The following NOL4 variants were observed in gnomAD, a reference collection of about 807,000 sequenced individuals.
NOL4 encodes nucleolar protein 4.
NOL4 carries 17 observed loss-of-function variants against 75.9 expected under a neutral mutation model. The ratio of observed to expected loss-of-function variants is 0.22; its 90% CI spans 0.15 to 0.34. The LOEUF is 0.34. Ranked by LOEUF, NOL4 falls within the 10% of genes least tolerant of loss-of-function variation. The pLI is 1.00. For synonymous variants in NOL4, 292 were observed against 289.9 expected (o/e 1.01, Z -0.07); for missense variants, 614 against 793.5 (o/e 0.77, Z 2.72).
In NOL4 at chr18:33,920,269, C is replaced by CA. The variant is rs532467150; in HGVS notation, c.1542+22795dup. 2.2e-3 allele frequency among the ~76,000 whole-genome samples: 329 copies of CA among 151,470 alleles called. 1 individual carries two copies. The highest frequency in any genetic ancestry group is 6.9e-3 in the African/African-American group (287 of 41,336). ...TTAAAATTTGTGCAACTTAAAAATA[C>CA]AAAAAAAATGAATATATTGGTTGTA... On this transcript the variant is annotated intron_variant, in intron 9 of 10. Transcript: ENST00000261592.
chr18:34,053,452 CAT>C (rs1220781497), intron 5 of NOL4, among the ~76,000 whole-genome samples: 2 of 151,856 alleles, frequency 1.3e-5, no homozygotes, highest in Non-Finnish European at 2.9e-5. Context: ...TGGAAGGAAA[CAT>C]ATGGAGAAAA....
intron 6 of NOL4, among the ~76,000 whole-genome samples, chr18:33,967,122 AAC>A (rs1467187856): frequency 1.3e-5 from 2 of 152,220 alleles, no homozygotes; most frequent in African/African-American, 4.8e-5. Context: ...CTGGTACAGA[AAC>A]AGATACATGG....
intron 1 of NOL4, among the ~76,000 whole-genome samples, chr18:34,186,224 C>T (rs1184296307): frequency 1.3e-5 from 2 of 152,040 alleles, no homozygotes; most frequent in Non-Finnish European, 2.9e-5. Context: ...TCACTTCTAC[C>T]ATATTGATTC....
At chr18:33,962,752 A>G (rs1164425741) in intron 6 of NOL4, among the ~76,000 whole-genome samples, 4 of 152,140 alleles carry the variant, frequency 2.6e-5, no homozygotes, top group Non-Finnish European at 5.9e-5. Context: ...TAAGCATAAT[A>G]TATTTTGAAT....
intron 10 of NOL4, among the ~76,000 whole-genome samples, chr18:33,879,117 T>C (rs1005791139): frequency 6.6e-6 from 1 of 151,994 alleles, no homozygotes. Flanking sequence ...TTGAAGAATT[T>C]AAAAAAACAG....
chr18:34,203,992 T>C (rs1258873520), intron 1 of NOL4, among the ~76,000 whole-genome samples: 2 of 152,058 alleles, frequency 1.3e-5, no homozygotes, highest in Non-Finnish European at 2.9e-5. Context: ...TGACAAGTGC[T>C]GATAAGACAG....
chr18:34,026,986 C>T (rs1298490076), intron 5 of NOL4, among the ~76,000 whole-genome samples: 2 of 152,114 alleles, frequency 1.3e-5, no homozygotes, highest in Non-Finnish European at 2.9e-5. Context: ...AAGACAGATG[C>T]TATGTTATGT....
chr18:33,933,928 C>T (rs183828728), intron 9 of NOL4, among the ~76,000 whole-genome samples: 78 of 152,192 alleles, frequency 5.1e-4, no homozygotes, highest in African/African-American at 1.7e-3. Context: ...ATTTCCTTTT[C>T]CTAATCCATC....
At chr18:34,182,481 T>C (rs1444967194) in intron 1 of NOL4, among the ~76,000 whole-genome samples, 1 of 151,642 alleles carries the variant, frequency 6.6e-6, no homozygotes, top group Non-Finnish European at 1.5e-5. Context: ...TATATAGTGG[T>C]GATGGTTGCA....
At chr18:33,876,384 C>G (rs2063934182) in intron 10 of NOL4, among the ~76,000 whole-genome samples, 1 of 151,960 alleles carries the variant, frequency 6.6e-6, no homozygotes, top group African/African-American at 2.4e-5. Context: ...TAAATTAAAT[C>G]ATATGTAAGG....
At chr18:33,968,858 G>A (rs2070817317) in intron 6 of NOL4, among the ~76,000 whole-genome samples, 1 of 152,084 alleles carries the variant, frequency 6.6e-6, no homozygotes, top group African/African-American at 2.4e-5. Context: ...TTGGCTGCAT[G>A]CTCTTTGACT....
At chr18:33,944,949 T>G (rs1470829) in intron 8 of NOL4, among the ~76,000 whole-genome samples, 71,259 of 151,666 alleles carry the variant, frequency 0.47, 17,466 homozygotes, top group East Asian at 0.93. Flanking sequence ...TCCAACTACA[T>G]GGGAATTAGA....
intron 9 of NOL4, among the ~76,000 whole-genome samples, chr18:33,890,664 AAT>A (rs1269804368): frequency 6.6e-6 from 1 of 152,126 alleles, no homozygotes; most frequent in Non-Finnish European, 1.5e-5. Context: ...GTAGGCAAAC[AAT>A]ATATGTTTCC....
chr18:33,957,732 C>T (rs111609122), intron 7 of NOL4, among the ~76,000 whole-genome samples: 144 of 152,174 alleles, frequency 9.5e-4, no homozygotes, highest in African/African-American at 3.2e-3. Flanking sequence ...GAAAGGCAGA[C>T]AGACAGACAA....
Position 34,093,466 on chromosome 18 carries a change from A to G in NOL4, c.771T>C (p.Asp257=), listed in dbSNP as rs1318510845. 1.9e-6 allele frequency: 3 copies of G among 1,578,756 alleles called. No individual in the cohort carries two copies. The highest frequency in any genetic ancestry group is 1.2e-5 in the South Asian group (1 of 85,492). ...QSPQNLHGQQ[D]DDSAAESFNG... is the part of the protein sequence containing the mutation. The stretch of plus-strand genomic sequence containing the variant: ...ATTTAGTCAAACTGAAAGGCTTACC[A>G]TCTTGCTGGCCATGAAGATTCTGGG... The change falls in exon 5 of 11, where the codon GAT becomes GAC. Residue 257 remains aspartate, a splice_region_variant and synonymous_variant. Coordinates refer to ENST00000261592, the MANE Select transcript of NOL4 (RefSeq NM_003787.5).
intron 6 of NOL4, among the ~76,000 whole-genome samples, chr18:33,962,510 C>CT (rs1473454554): frequency 6.6e-6 from 1 of 152,178 alleles, no homozygotes; most frequent in African/African-American, 2.4e-5. Context: ...GCAATGATAA[C>CT]ATATGTGTAG....
At chr18:34,086,334 T>C (rs2078241465) in intron 5 of NOL4, among the ~76,000 whole-genome samples, 1 of 152,076 alleles carries the variant, frequency 6.6e-6, no homozygotes, top group South Asian at 2.1e-4. Context: ...ATCCCAAGTT[T>C]CCTAAGAAAT....
At chr18:33,953,969 G>A (rs1468489412) in intron 8 of NOL4, among the ~76,000 whole-genome samples, 1 of 152,118 alleles carries the variant, frequency 6.6e-6, no homozygotes, top group Non-Finnish European at 1.5e-5. Flanking sequence ...TACTTTAGTT[G>A]AATATGCAGT....
At chr18:33,858,452 T>A (rs1306862095) in intron 10 of NOL4, among the ~76,000 whole-genome samples, 1 of 151,898 alleles carries the variant, frequency 6.6e-6, no homozygotes, top group Non-Finnish European at 1.5e-5. Context: ...AGATAAAGTA[T>A]CCATCCAGCA....
Sources: allele counts gnomAD v4.1 joint callset (sites outside exome capture counted in the v4.1 genomes callset), GRCh38; gene constraint gnomAD v4.1.1; transcripts MANE v1.5; gene names NCBI Gene and HGNC (gene_info 2026-07-23, HGNC 2026-07-21).